The following CELF2 variants were observed in gnomAD, a reference collection of about 807,000 sequenced individuals.
CELF2 encodes the protein CUG triplet repeat RNA-binding protein 2.
Under a neutral mutation model 62.6 loss-of-function variants are expected in CELF2, and 8 were observed. The ratio of observed to expected loss-of-function variants is 0.13; its 90% CI spans 0.07 to 0.23. The LOEUF (loss-of-function observed/expected upper bound fraction) is 0.23, where lower values mean the gene tolerates loss of function less well. Among genes scored for constraint, CELF2 ranks in the 10% least tolerant of loss-of-function variants. The probability of loss-of-function intolerance (pLI) is 1.00; values close to 1 mark genes in which losing one functional copy is unlikely to be tolerated. For synonymous variants in CELF2, 258 were observed against 250.0 expected, an observed-to-expected ratio of 1.03 and a Z score of -0.30; for missense variants, 333 against 671.0, an observed-to-expected ratio of 0.50 and a Z score of 5.56.
rs2056432818 is a variant in CELF2, at chr10:11,011,361, A to G, written c.53+5921A>G. ...GAGGAGGGGTCAAGTGGCGAGATGCAGAGACAGGGGAGTTGAGCTGGGCCC... is the reference window on the plus strand; with the variant it reads ...GAGGAGGGGTCAAGTGGCGAGATGCGGAGACAGGGGAGTTGAGCTGGGCCC... On this transcript the variant is annotated intron_variant, in intron 1 of 12. Coordinates refer to the CELF2 transcript ENST00000416382. This position sits in a 1 kb window ranked among gnomAD's most constrained non-coding sequence, Gnocchi z 4.6. 6.6e-6 allele frequency among the ~76,000 whole-genome samples: 1 copy of G among 151,794 alleles called. No individual in the cohort carries two copies. Among genetic ancestry groups the G allele is most frequent in the Non-Finnish European group, 1.5e-5 (1 of 67,960 alleles).
chr10:10,984,456 T>C (rs972707180), intron 2 of CELF2, among the ~76,000 whole-genome samples: 1 of 152,220 alleles, frequency 6.6e-6, no homozygotes, highest in African/African-American at 2.4e-5. Flanking sequence ...CTTTAGGTTA[T>C]GTGGACATAA....
the CELF2 span, among the ~76,000 whole-genome samples, chr10:10,525,918 G>A: frequency 1.3e-5 from 2 of 152,044 alleles, no homozygotes; most frequent in Non-Finnish European, 2.9e-5. Flanking sequence ...TTCCATAATG[G>A]CTGTACTAGT....
At chr10:10,464,656 A>G in the CELF2 span, among the ~76,000 whole-genome samples, 1 of 152,172 alleles carries the variant, frequency 6.6e-6, no homozygotes, top group Non-Finnish European at 1.5e-5. Flanking sequence ...TAGCAACACC[A>G]TTAAATGTGA....
the CELF2 span, among the ~76,000 whole-genome samples, chr10:10,573,123 A>G: frequency 6.6e-6 from 1 of 152,058 alleles, no homozygotes; most frequent in Non-Finnish European, 1.5e-5. Flanking sequence ...AGCTTTTTAT[A>G]ATGTGTTTGT....
At chr10:10,871,947 A>G (rs1279392162) in intron 1 of CELF2, among the ~76,000 whole-genome samples, 1 of 152,178 alleles carries the variant, frequency 6.6e-6, no homozygotes. Flanking sequence ...ATTTTCACAT[A>G]TTATCTTCCG....
chr10:10,707,897 A>T, the CELF2 span, among the ~76,000 whole-genome samples: 12 of 152,196 alleles, frequency 7.9e-5, no homozygotes, highest in African/African-American at 2.4e-4. Flanking sequence ...ACATGGACCT[A>T]ATCCCTACAA....
intron 2 of CELF2, among the ~76,000 whole-genome samples, chr10:10,966,182 C>T (rs761156812): frequency 5.9e-5 from 9 of 152,218 alleles, no homozygotes; most frequent in Non-Finnish European, 1.0e-4. Flanking sequence ...GCAGTGTCCA[C>T]GTGCAGCACT....
At chr10:11,100,893 A>G (rs889300396) in intron 1 of CELF2, among the ~76,000 whole-genome samples, 2 of 152,214 alleles carry the variant, frequency 1.3e-5, no homozygotes, top group African/African-American at 2.4e-5. Context: ...GTTGCATTCA[A>G]TGAAACAAAA....
At chr10:11,232,407 C>T (rs1373116125) in intron 3 of CELF2, among the ~76,000 whole-genome samples, 1 of 152,058 alleles carries the variant, frequency 6.6e-6, no homozygotes, top group Non-Finnish European at 1.5e-5. Context: ...TCAGATGACT[C>T]GAGTCTCCTT....
chr10:11,167,867 C>T (rs1003955670), intron 2 of CELF2, among the ~76,000 whole-genome samples: 3 of 152,178 alleles, frequency 2.0e-5, no homozygotes, highest in Admixed American at 6.5e-5. Context: ...TCACATTTTA[C>T]AGATGAGGAA....
chr10:11,078,253 G>A (rs1044092007), intron 1 of CELF2, among the ~76,000 whole-genome samples: 3 of 149,148 alleles, frequency 2.0e-5, no homozygotes, highest in Admixed American at 6.6e-5. Flanking sequence ...AGGAAGTGGT[G>A]GGGGGCGGAA....
chr10:11,023,577 T>G lies in CELF2; in HGVS notation c.74+5414T>G, dbSNP rs189164194. 3.3e-5 allele frequency among the ~76,000 whole-genome samples: 5 copies of G among 152,368 alleles called. No homozygotes were observed. The East Asian group carries it at 9.6e-4, about 29-fold the overall frequency. On this transcript the variant is annotated intron_variant, in intron 1 of 12. Transcript: ENST00000633077. ...AAACCATCTCCTCCTCCTGGGAATG[T>G]ATTTTTCATTTAGTGAGAGCTTTAG... is the stretch of plus-strand genomic sequence containing the variant.
chr10:11,097,539 TGTG>T (rs891997698), intron 1 of CELF2: 2 of 152,180 alleles, frequency 1.3e-5, no homozygotes, highest in African/African-American at 4.8e-5. Flanking sequence ...ATAATAAGGT[TGTG>T]GTCTACCCTG....
chr10:11,016,430 A>G (rs1412477313), upstream of CELF2, among the ~76,000 whole-genome samples: 2 of 152,232 alleles, frequency 1.3e-5, no homozygotes, highest in Admixed American at 6.5e-5. The surrounding 1 kb of genome is among the most constrained non-coding windows in gnomAD (Gnocchi z 5.2). Flanking sequence ...TCAGCTGAAG[A>G]AGGCAACCAA....
At chr10:11,238,912 T>C (rs2072651912) in intron 3 of CELF2, among the ~76,000 whole-genome samples, 1 of 152,218 alleles carries the variant, frequency 6.6e-6, no homozygotes, top group Admixed American at 6.5e-5. Flanking sequence ...AAGCTTGTGT[T>C]ATTATTTAGT....
rs926695777 is a variant in CELF2, at chr10:11,010,111, A to G, written c.53+4671A>G. 1.3e-5 allele frequency: 2 copies of G among 152,250 alleles called. No individual in the cohort carries two copies. Among genetic ancestry groups the G allele is most frequent in the Non-Finnish European group, 2.9e-5 (2 of 68,046 alleles). 9.4% of individuals were successfully genotyped at this position (152,250 alleles called of 1,614,324 possible). On this transcript the variant is annotated intron_variant, in intron 1 of 12. Coordinates refer to the CELF2 transcript ENST00000416382. The surrounding 1 kb of genome is among the most constrained non-coding windows in gnomAD (Gnocchi z 4.1). The stretch of plus-strand genomic sequence containing the variant: ...GTTGCTCATGCTTTGCTTTGTGAAC[A>G]TCCTGGGCTGAGAGTCCAGCTCTCC...
Position 11,328,782 on chromosome 10 carries a change from A to G in CELF2, c.1439-144A>G, listed in dbSNP as rs548932908. ...CCCATCATCCACTCACGGTGGACTC[A>G]CGATCAGTTCCGCAGAGCTGTGCTG... On this transcript the variant is annotated intron_variant, in intron 12 of 12. Transcript: ENST00000633077. This position sits in a 1 kb window ranked among gnomAD's most constrained non-coding sequence, Gnocchi z 6.4. 4.4e-5 allele frequency: 37 copies of G among 834,296 alleles called. No homozygotes were observed. Among genetic ancestry groups the G allele is most frequent in the East Asian group, 4.3e-4 (15 of 35,284 alleles). The allele number at this position is 834,296 out of a possible 1,614,324, so 51.7% of individuals were successfully genotyped here. A position where few individuals can be genotyped will look rare whatever the true frequency, so the allele number is the denominator to read the frequency against.
At chr10:11,013,792 TG>T (rs2056843918), upstream of CELF2, among the ~76,000 whole-genome samples, 1 of 152,224 alleles carries the variant, frequency 6.6e-6, no homozygotes, top group African/African-American at 2.4e-5. The surrounding 1 kb of genome is among the most constrained non-coding windows in gnomAD (Gnocchi z 4.1). Flanking sequence ...AACTTATAAT[TG>T]GCGATATAAA....
intron 1 of CELF2, among the ~76,000 whole-genome samples, chr10:11,160,667 G>A (rs901960600): frequency 6.8e-6 from 1 of 146,670 alleles, no homozygotes; most frequent in Non-Finnish European, 1.5e-5. Context: ...AAAAAAAAGA[G>A]TATTGGAGTA....
Sources: gnomAD v4.1 joint callset for allele counts (sites outside exome capture counted in the v4.1 genomes callset) on GRCh38, gnomAD v4.1.1 for gene constraint, Gnocchi (gnomAD v3.1) non-coding constraint, MANE v1.5 for transcripts, NCBI Gene and HGNC (gene_info 2026-07-23, HGNC 2026-07-21) for gene names.